Variants in CSGALNACT1 observed in about 807,000 individuals in gnomAD.
The protein encoded by CSGALNACT1 is beta4GalNAcT-1.
CSGALNACT1 carries 52 observed loss-of-function variants against 51.0 expected under a neutral mutation model. The ratio of observed to expected loss-of-function variants is 1.02; its 90% CI spans 0.82 to 1.29. CSGALNACT1 has a LOEUF of 1.29. CSGALNACT1 is among the 50% of genes most tolerant of loss of function. The pLI is 0.00. For synonymous variants in CSGALNACT1, 341 were observed against 254.4 expected (o/e 1.34, Z -3.24); for missense variants, 935 against 679.2 (o/e 1.38, Z -4.19).
In CSGALNACT1 at chr8:19,506,387, A is replaced by C. The variant is rs541565617; in HGVS notation, c.-296-257T>G. ...CTGAACAATAATTCTCTCCAGATGG[A>C]AAGATTAAGAGTCATCTTTCTACTT... On this transcript the variant is annotated intron_variant, in intron 3 of 9. Coordinates refer to ENST00000454498, the Ensembl canonical transcript of CSGALNACT1. Among the ~76,000 whole-genome samples the C allele has an allele frequency of 1.1e-3, 164 of 152,354 alleles. 2 individuals are homozygous for C. Among genetic ancestry groups the C allele is most frequent in the Non-Finnish European group, 2.0e-3 (138 of 68,032 alleles).
intron 6 of CSGALNACT1, among the ~76,000 whole-genome samples, chr8:19,425,140 C>T (rs909041966): frequency 1.3e-5 from 2 of 152,078 alleles, no homozygotes; most frequent in East Asian, 1.9e-4. Flanking sequence ...GTCAGGAGTT[C>T]GAGACTGAAC....
At chr8:19,463,430 G>A (rs958079612) in intron 4 of CSGALNACT1, among the ~76,000 whole-genome samples, 9 of 152,070 alleles carry the variant, frequency 5.9e-5, no homozygotes, top group East Asian at 1.9e-4. Flanking sequence ...CACAAAGGAC[G>A]ACACCTAAAA....
chr8:19,577,540 G>A (rs555522748), intron 3 of CSGALNACT1, among the ~76,000 whole-genome samples: 1 of 146,302 alleles, frequency 6.8e-6, no homozygotes, highest in South Asian at 2.2e-4. Flanking sequence ...CAGCCTCAGT[G>A]ACAGCAAGAC....
chr8:19,477,659 C>A (rs148609473), intron 4 of CSGALNACT1, among the ~76,000 whole-genome samples: 1 of 152,134 alleles, frequency 6.6e-6, no homozygotes, highest in Non-Finnish European at 1.5e-5. Flanking sequence ...GCTCTAGAGC[C>A]GGGTGTGAGC....
chr8:19,576,962 C>G (rs533036993), intron 3 of CSGALNACT1, among the ~76,000 whole-genome samples: 7 of 152,180 alleles, frequency 4.6e-5, no homozygotes, highest in African/African-American at 1.2e-4. Flanking sequence ...GCTTACCCCC[C>G]TCTTAGACAC....
At chr8:19,464,474 T>A (rs890239435) in intron 4 of CSGALNACT1, among the ~76,000 whole-genome samples, 1 of 152,118 alleles carries the variant, frequency 6.6e-6, no homozygotes, top group African/African-American at 2.4e-5. Flanking sequence ...TGTTCTTGCC[T>A]TTTACAAAAT....
At chr8:19,689,119 C>T (rs1026903879) in intron 1 of CSGALNACT1, among the ~76,000 whole-genome samples, 2 of 152,128 alleles carry the variant, frequency 1.3e-5, no homozygotes, top group African/African-American at 4.8e-5. Context: ...TCCTATTGCC[C>T]CGTCCTCTGC....
intron 1 of CSGALNACT1, among the ~76,000 whole-genome samples, chr8:19,673,129 G>C (rs74689071): frequency 6.6e-6 from 1 of 152,120 alleles, no homozygotes; most frequent in Non-Finnish European, 1.5e-5. Context: ...ACACACACCC[G>C]CTGTGACCAT....
chr8:19,686,981 A>C (rs2061013812), upstream of CSGALNACT1, among the ~76,000 whole-genome samples: 1 of 152,198 alleles, frequency 6.6e-6, no homozygotes, highest in Non-Finnish European at 1.5e-5. Context: ...ACCAAATCAT[A>C]CACAATATAG....
intron 9 of CSGALNACT1, among the ~76,000 whole-genome samples, chr8:19,407,906 TGTGTGTGTGTGTGTGTGTG>T (rs1298442330): frequency 4.4e-5 from 2 of 45,650 alleles, no homozygotes; most frequent in African/African-American, 2.0e-4. Flanking sequence ...GTATATGAAT[TGTGTGTGTGTGTGTGTGTG>T]TGTGTGTGTG....
chr8:19,661,268 T>C (rs2154190663), intron 1 of CSGALNACT1, among the ~76,000 whole-genome samples: 1 of 152,016 alleles, frequency 6.6e-6, no homozygotes, highest in African/African-American at 2.4e-5. Flanking sequence ...GAGCCTCATC[T>C]CTCCAGCCTT....
intron 1 of CSGALNACT1, among the ~76,000 whole-genome samples, chr8:19,724,290 C>T (rs1269886693): frequency 1.3e-5 from 2 of 152,202 alleles, no homozygotes; most frequent in Non-Finnish European, 2.9e-5. Context: ...CTCAGGAGAG[C>T]TGCATTCCCT....
At chr8:19,429,925 G>A (rs2059394308) in intron 6 of CSGALNACT1, among the ~76,000 whole-genome samples, 1 of 152,208 alleles carries the variant, frequency 6.6e-6, no homozygotes, top group Admixed American at 6.5e-5. Context: ...CCCGGTGAGT[G>A]TAGTTTGCAT....
Position 19,676,805 on chromosome 8 carries a change from T to C in CSGALNACT1, c.-544+5668A>G, listed in dbSNP as rs115168405. Among the ~76,000 whole-genome samples the C allele has an allele frequency of 3.0e-3, 454 of 152,282 alleles. 1 individual carries two copies. The highest frequency in any genetic ancestry group is 0.011 in the African/African-American group (444 of 41,560). ...ACCCAGACAGGATTGGAAGGATCTT[T>C]CAGGAAGACAACTGGGAGGCTCGGT... On this transcript the variant is annotated intron_variant, in intron 1 of 9. Coordinates refer to the CSGALNACT1 transcript ENST00000332246.
At chr8:19,669,663 G>C (rs1458505850) in intron 1 of CSGALNACT1, among the ~76,000 whole-genome samples, 2 of 151,942 alleles carry the variant, frequency 1.3e-5, no homozygotes, top group South Asian at 4.2e-4. Flanking sequence ...TAGTAGAGAT[G>C]GGGGTTTCAC....
chr8:19,604,770 C>T (rs1319405784), upstream of CSGALNACT1, among the ~76,000 whole-genome samples: 4 of 149,400 alleles, frequency 2.7e-5, no homozygotes. Flanking sequence ...AAAAAATTAG[C>T]CGCGCACGAT....
chr8:19,553,478 G>A (rs1303546469), intron 3 of CSGALNACT1, among the ~76,000 whole-genome samples: 4 of 151,320 alleles, frequency 2.6e-5, no homozygotes, highest in Admixed American at 6.6e-5. Flanking sequence ...AGCTTCTCTC[G>A]CCTATCCCAA....
intron 5 of CSGALNACT1, among the ~76,000 whole-genome samples, chr8:19,456,288 G>T (rs559478117): frequency 6.6e-6 from 1 of 152,116 alleles, no homozygotes; most frequent in Non-Finnish European, 1.5e-5. Flanking sequence ...TCCTTTCACC[G>T]AGCAGATACT....
At chr8:19,486,528 T>C (rs753533483) in intron 4 of CSGALNACT1, among the ~76,000 whole-genome samples, 2 of 152,134 alleles carry the variant, frequency 1.3e-5, no homozygotes, top group African/African-American at 2.4e-5. Context: ...CCCTGCACAC[T>C]GCCCCTCGAA....
Sources: gnomAD v4.1 joint callset for allele counts (sites outside exome capture counted in the v4.1 genomes callset) on GRCh38, gnomAD v4.1.1 for gene constraint, MANE v1.5 for transcripts, NCBI Gene and HGNC (gene_info 2026-07-23, HGNC 2026-07-21) for gene names.